ASTN2: variants seen among roughly 807,000 people sequenced by gnomAD.
ASTN2 encodes astrotactin-2.
ASTN2 carries 54 observed loss-of-function variants against 139.8 expected under a neutral mutation model. The ratio of observed to expected loss-of-function variants is 0.39; its 90% CI spans 0.31 to 0.48. ASTN2 has a LOEUF of 0.48. ASTN2 is among the 20% of genes least tolerant of loss of function. The pLI, the probability that ASTN2 is intolerant of heterozygous loss-of-function variation, is 0.95. For synonymous variants in ASTN2, 756 were observed against 719.5 expected (o/e 1.05, Z -0.81); for missense variants, 1,565 against 1,725.1 (o/e 0.91, Z 1.64).
chr9:116,588,997 G>A (rs555329180), intron 19 of ASTN2, among the ~76,000 whole-genome samples: 16 of 152,308 alleles, frequency 1.1e-4, no homozygotes, highest in African/African-American at 3.1e-4. Flanking sequence ...TTGGAGAAAG[G>A]TCATATAATT....
At chr9:117,167,922 A>G (rs1410703199) in intron 3 of ASTN2, among the ~76,000 whole-genome samples, 1 of 152,098 alleles carries the variant, frequency 6.6e-6, no homozygotes, top group Non-Finnish European at 1.5e-5. Flanking sequence ...ATAGCCATGG[A>G]GGTGATAAGA....
intron 13 of ASTN2, among the ~76,000 whole-genome samples, chr9:116,790,974 A>AGAAAGAAAAGAAAGAAG (rs1564268898): frequency 4.6e-3 from 213 of 46,328 alleles, no homozygotes; most frequent in Middle Eastern, 0.021. Context: ...AAGGAAAGAA[A>AGAAAGAAAAGAAAGAAG]GAAAGAAAGA....
intron 12 of ASTN2, among the ~76,000 whole-genome samples, chr9:116,815,020 C>T (rs929277077): frequency 4.6e-5 from 7 of 152,168 alleles, no homozygotes; most frequent in Middle Eastern, 3.2e-3. Context: ...GTAAAATTCA[C>T]GTTCTCCAAC....
At chr9:117,380,553 T>A (rs969299970) in intron 1 of ASTN2, among the ~76,000 whole-genome samples, 7 of 144,772 alleles carry the variant, frequency 4.8e-5, no homozygotes, top group Admixed American at 2.2e-4. Context: ...TGCAGTGAGC[T>A]GAGATCACAC....
intron 19 of ASTN2, among the ~76,000 whole-genome samples, chr9:116,544,861 T>C (rs1054714451): frequency 6.6e-6 from 1 of 152,172 alleles, no homozygotes; most frequent in Admixed American, 6.5e-5. Context: ...TCATGAAGCA[T>C]AAAAAGGCCT....
At chr9:116,452,459 G>C (rs1367725293) in intron 20 of ASTN2, among the ~76,000 whole-genome samples, 2 of 152,160 alleles carry the variant, frequency 1.3e-5, no homozygotes, top group South Asian at 4.1e-4. Context: ...CCATGGTGAC[G>C]GTGTGAGGAC....
intron 5 of ASTN2, among the ~76,000 whole-genome samples, chr9:117,051,676 ACT>A (rs1382985274): frequency 1.3e-5 from 2 of 152,078 alleles, no homozygotes; most frequent in Non-Finnish European, 2.9e-5. Flanking sequence ...CTGTCATTTG[ACT>A]CTCACATGAG....
chr9:116,956,590 TAAAC>T (rs1835714777), intron 10 of ASTN2, among the ~76,000 whole-genome samples: 1 of 151,514 alleles, frequency 6.6e-6, no homozygotes, highest in Non-Finnish European at 1.5e-5. Flanking sequence ...GCAAGAAAAA[TAAAC>T]AAAAGACATT....
At chr9:116,968,273 T>C (rs1040046708) in intron 10 of ASTN2, among the ~76,000 whole-genome samples, 2 of 152,170 alleles carry the variant, frequency 1.3e-5, no homozygotes, top group Non-Finnish European at 2.9e-5. Context: ...GTACCTGGTG[T>C]GCATTTGTTG....
intron 19 of ASTN2, among the ~76,000 whole-genome samples, chr9:116,530,182 G>T (rs1019506245): frequency 7.1e-5 from 9 of 127,316 alleles, no homozygotes; most frequent in Non-Finnish European, 1.5e-4. Context: ...TTAAAAAGAA[G>T]AAAATCCTCT....
chr9:116,448,397 C>A (rs1848072081), intron 20 of ASTN2, among the ~76,000 whole-genome samples: 1 of 152,200 alleles, frequency 6.6e-6, no homozygotes, highest in African/African-American at 2.4e-5. Flanking sequence ...TGGCCAGGGC[C>A]ACCTCAGTGC....
intron 20 of ASTN2, among the ~76,000 whole-genome samples, chr9:116,450,736 G>T (rs1848149045): frequency 6.6e-6 from 1 of 152,100 alleles, no homozygotes; most frequent in Non-Finnish European, 1.5e-5. Context: ...GTCACCAGGG[G>T]CTGCTATGCA....
chr9:116,821,824 T>C (rs1831492180), intron 11 of ASTN2, among the ~76,000 whole-genome samples: 1 of 152,126 alleles, frequency 6.6e-6, no homozygotes, highest in Admixed American at 6.6e-5. Context: ...TATGTGCTCC[T>C]TCAGTGGAAA....
intron 16 of ASTN2, among the ~76,000 whole-genome samples, chr9:116,688,415 C>T (rs1159071391): frequency 6.6e-6 from 1 of 152,018 alleles, no homozygotes; most frequent in Non-Finnish European, 1.5e-5. Flanking sequence ...AGAGGGAGTT[C>T]AGGGGACCCA....
chr9:117,104,519 C>T (rs1371717861), intron 4 of ASTN2, among the ~76,000 whole-genome samples: 1 of 152,162 alleles, frequency 6.6e-6, no homozygotes, highest in Non-Finnish European at 1.5e-5. Context: ...TCTGAGATGG[C>T]ATGATCTACG....
chr9:117,347,770 G>C (rs146638402), intron 1 of ASTN2, among the ~76,000 whole-genome samples: 14 of 152,182 alleles, frequency 9.2e-5, no homozygotes, highest in Non-Finnish European at 2.1e-4. Flanking sequence ...AATTGCTAAA[G>C]AGGAACAAAA....
intron 1 of ASTN2, among the ~76,000 whole-genome samples, chr9:117,356,387 T>C (rs1282388393): frequency 1.3e-5 from 2 of 152,216 alleles, no homozygotes; most frequent in African/African-American, 4.8e-5. Context: ...TATCCCATGT[T>C]TGATACGATG....
chr9:117,313,476 C>T (rs982581347), intron 1 of ASTN2, among the ~76,000 whole-genome samples: 5 of 152,024 alleles, frequency 3.3e-5, no homozygotes, highest in East Asian at 1.9e-4. Flanking sequence ...AGAGAGGTGG[C>T]GCAAAGAAGA....
At chr9:117,276,787 T>C (rs1411035587) in intron 2 of ASTN2, among the ~76,000 whole-genome samples, 1 of 152,186 alleles carries the variant, frequency 6.6e-6, no homozygotes, top group Admixed American at 6.5e-5. Context: ...ACACAGGATG[T>C]GGATCCCAGC....
Sources: gnomAD v4.1 joint callset for allele counts (sites outside exome capture counted in the v4.1 genomes callset) on GRCh38, gnomAD v4.1.1 for gene constraint, MANE v1.5 for transcripts, NCBI Gene and HGNC (gene_info 2026-07-23, HGNC 2026-07-21) for gene names.